The following GRID1 variants were observed in gnomAD, a reference collection of about 807,000 sequenced individuals.
GRID1 encodes glutamate ionotropic receptor delta type subunit 1.
In GRID1, 28 loss-of-function variants were observed where a neutral mutation model predicts 98.0. That is an observed-to-expected ratio of 0.29 (90% CI 0.21 to 0.39). The LOEUF is 0.39. Ranked by LOEUF, GRID1 falls within the 10% of genes least tolerant of loss-of-function variation. GRID1 has a pLI of 1.00. For missense variants in GRID1, 1,111 were observed against 1,340.5 expected (o/e 0.83, Z 2.67); for synonymous variants, 553 against 538.5 (o/e 1.03, Z -0.37).
chr10:86,122,041 C>T (rs948074475), intron 4 of GRID1, among the ~76,000 whole-genome samples: 4 of 152,160 alleles, frequency 2.6e-5, no homozygotes, highest in Non-Finnish European at 4.4e-5. Context: ...GCAGTGACAA[C>T]AGCCTGGCTG....
At chr10:86,038,322 A>C (rs1436138780) in intron 4 of GRID1, among the ~76,000 whole-genome samples, 1 of 152,228 alleles carries the variant, frequency 6.6e-6, no homozygotes, top group East Asian at 1.9e-4. Context: ...GGCTCCCATG[A>C]ACAGCTACAA....
At chr10:86,078,914 G>C (rs1271051268) in intron 4 of GRID1, among the ~76,000 whole-genome samples, 2 of 152,214 alleles carry the variant, frequency 1.3e-5, no homozygotes, top group Non-Finnish European at 2.9e-5. Flanking sequence ...AGACTCCCTG[G>C]ACCCAGCTCT....
intron 2 of GRID1, among the ~76,000 whole-genome samples, chr10:86,338,441 T>C (rs1428580696): frequency 1.3e-5 from 2 of 152,200 alleles, no homozygotes; most frequent in African/African-American, 2.4e-5. Flanking sequence ...CAGCCTGCCC[T>C]GAATCCCCTT....
intron 5 of GRID1, among the ~76,000 whole-genome samples, chr10:85,905,225 C>T (rs1044472859): frequency 2.0e-5 from 3 of 151,966 alleles, no homozygotes; most frequent in Admixed American, 6.6e-5. Flanking sequence ...AGTAAGGCAA[C>T]ATTTTTAAAG....
At chr10:85,830,477 G>A (rs910282218) in intron 8 of GRID1, among the ~76,000 whole-genome samples, 3 of 152,062 alleles carry the variant, frequency 2.0e-5, no homozygotes, top group Admixed American at 6.6e-5. Context: ...GTAAACTAAG[G>A]AGCTTCTGCA....
At chr10:86,235,108 C>T (rs898292717) in intron 2 of GRID1, among the ~76,000 whole-genome samples, 3 of 152,240 alleles carry the variant, frequency 2.0e-5, no homozygotes, top group African/African-American at 4.8e-5. Context: ...CAGCTCTCTC[C>T]TTGGGCCTTG....
At chr10:85,923,294 G>A (rs1564627605) in intron 4 of GRID1, among the ~76,000 whole-genome samples, 1 of 152,154 alleles carries the variant, frequency 6.6e-6, no homozygotes, top group Non-Finnish European at 1.5e-5. Context: ...ACTGAAGGAT[G>A]GTGGAGACAA....
chr10:86,345,251 A>T (rs1848365878), intron 2 of GRID1, among the ~76,000 whole-genome samples: 1 of 152,248 alleles, frequency 6.6e-6, no homozygotes, highest in Non-Finnish European at 1.5e-5. Context: ...ATAAGCCAGC[A>T]CCATCTCAAC....
intron 8 of GRID1, among the ~76,000 whole-genome samples, chr10:85,844,606 A>C (rs987132621): frequency 1.3e-5 from 2 of 152,158 alleles, no homozygotes; most frequent in Non-Finnish European, 2.9e-5. Context: ...GGATCTCTCT[A>C]TACTATTTAT....
At chr10:85,849,793 T>C (rs191819348) in intron 8 of GRID1, among the ~76,000 whole-genome samples, 2 of 152,208 alleles carry the variant, frequency 1.3e-5, no homozygotes, top group East Asian at 1.9e-4. Context: ...TCCCCACCTA[T>C]TGCAACCAGC....
At chr10:86,109,732 C>A (rs934469529) in intron 4 of GRID1, among the ~76,000 whole-genome samples, 5 of 152,120 alleles carry the variant, frequency 3.3e-5, no homozygotes, top group Non-Finnish European at 5.9e-5. Context: ...GGGATCTGGG[C>A]CTTGATCCTA....
At chr10:85,635,452 C>A (rs2132539953) in intron 13 of GRID1, among the ~76,000 whole-genome samples, 1 of 152,218 alleles carries the variant, frequency 6.6e-6, no homozygotes, top group Admixed American at 6.5e-5. Flanking sequence ...TGCAAGTGGA[C>A]CCCAGCAATT....
chr10:85,794,452 T>A (rs1407227863), intron 8 of GRID1, among the ~76,000 whole-genome samples: 1 of 152,224 alleles, frequency 6.6e-6, no homozygotes, highest in African/African-American at 2.4e-5. Flanking sequence ...GTGTTTCTAA[T>A]CATGCTCTTG....
At chr10:85,602,788 A>T in intron 15 of GRID1, 87 bp from the exon 16 acceptor site, 1 of 949,090 alleles carries the variant, frequency 1.1e-6, no homozygotes, top group South Asian at 1.7e-5. Flanking sequence ...TGTAGTCACC[A>T]GGCCTGGTCA....
At chr10:85,857,750 C>A (rs138405553) in intron 6 of GRID1, among the ~76,000 whole-genome samples, 2 of 152,278 alleles carry the variant, frequency 1.3e-5, no homozygotes, top group East Asian at 3.9e-4. Context: ...ATCATGTCAG[C>A]CTCACAGGAC....
chr10:85,739,173 CAAT>C (rs1263135009), intron 8 of GRID1, among the ~76,000 whole-genome samples: 1 of 151,980 alleles, frequency 6.6e-6, no homozygotes, highest in Non-Finnish European at 1.5e-5. Context: ...CACACACATA[CAAT>C]GATTTGTTAA....
In GRID1 at chr10:85,602,658, C is replaced by T. The variant is rs1842597654; in HGVS notation, c.2645G>A (p.Ser882Asn). 6.2e-7 allele frequency: 1 copy of T among 1,613,812 alleles called. No individual in the cohort carries two copies. Among genetic ancestry groups the T allele is most frequent in the Admixed American group, 1.7e-5 (1 of 59,992 alleles). ...NLEQVHRRMN[S>N]LMDEDIAHKQ... ...GTGAGCAATGTCTTCATCCATGAGG[C>T]TGTTCATGCGCCGGTGGACCTGCTC... Residue 882 changes from serine to asparagine, a missense_variant, in exon 16 of 16, where the codon AGC (serine) becomes AAC (asparagine). Coordinates refer to ENST00000327946, the MANE Select transcript of GRID1 (RefSeq NM_017551.3).
rs189667134 is a variant in GRID1, at chr10:85,977,765, G to A, written c.727-61526C>T. 2.3e-4 allele frequency among the ~76,000 whole-genome samples: 35 copies of A among 152,268 alleles called. No homozygotes were observed. The East Asian group carries it at 5.8e-3, about 25-fold the overall frequency. ...CCAGAAATACCCAGCCAGTCCTTAC[G>A]TGGCAGTCACTAGCCAGTTGAAGAC... On this transcript the variant is annotated intron_variant, in intron 4 of 15. Transcript: ENST00000327946.
chr10:85,804,324 A>G (rs1408043258), intron 8 of GRID1, among the ~76,000 whole-genome samples: 1 of 151,994 alleles, frequency 6.6e-6, no homozygotes, highest in Non-Finnish European at 1.5e-5. Context: ...CAAAACTGAC[A>G]TTAGAAGAAC....
Sources: gnomAD v4.1 joint callset for allele counts (sites outside exome capture counted in the v4.1 genomes callset) on GRCh38, gnomAD v4.1.1 for gene constraint, MANE v1.5 for transcripts, NCBI Gene and HGNC (gene_info 2026-07-23, HGNC 2026-07-21) for gene names.